SUPT3H: variants seen among roughly 807,000 people sequenced by gnomAD.
SUPT3H encodes SPT3 homolog, SAGA and STAGA complex component, also known as transcription initiation protein SPT3 homolog.
A neutral mutation model predicts 44.3 loss-of-function variants in SUPT3H; 44 were observed. The observed-to-expected ratio is 0.99, with a 90% CI of 0.78 to 1.28. SUPT3H has a LOEUF of 1.28. SUPT3H is among the 50% of genes most tolerant of loss of function. The probability of loss-of-function intolerance (pLI) is 0.00; values close to 1 mark genes in which losing one functional copy is unlikely to be tolerated. For synonymous variants in SUPT3H, 124 were observed against 125.6 expected (o/e 0.99, Z 0.09); for missense variants, 380 against 387.1 (o/e 0.98, Z 0.15).
intron 3 of SUPT3H, among the ~76,000 whole-genome samples, chr6:45,104,546 A>G (rs1236816739): frequency 6.6e-6 from 1 of 152,106 alleles, no homozygotes; most frequent in East Asian, 1.9e-4. Context: ...ATTATTGTTC[A>G]GCAGTTTGAA....
chr6:44,835,902 C>G (rs1223583335), intron 10 of SUPT3H, among the ~76,000 whole-genome samples: 3 of 152,082 alleles, frequency 2.0e-5, no homozygotes, highest in Non-Finnish European at 4.4e-5. Context: ...GCCCTGGTCT[C>G]TGTGAGGTCA....
rs372340475 is a variant in SUPT3H at position 45,328,383 on chromosome 6, G to A, written c.101+36818C>T. ...CAAGTGCGGTGCAAACTTTCTCCAG[G>A]AGGACAGCAAGAAGTCTCTGGTTTT... On this transcript the variant is annotated intron_variant, in intron 2 of 10. Transcript: ENST00000371459. 79 of 1,394,640 alleles carry A rather than the reference G, an allele frequency of 5.7e-5. No individual in the cohort carries two copies. The Middle Eastern group carries it at 8.1e-4, about 14-fold the overall frequency. The allele number at this position is 1,394,640 out of a possible 1,614,324, so 86.4% of individuals were successfully genotyped here.
chr6:44,915,862 T>C (rs1236514754), intron 10 of SUPT3H, among the ~76,000 whole-genome samples: 1 of 152,136 alleles, frequency 6.6e-6, no homozygotes, highest in Non-Finnish European at 1.5e-5. Flanking sequence ...CATGTCTCCC[T>C]AAAATGTAAA....
At chr6:45,122,564 C>G (rs1241943381) in intron 2 of SUPT3H, among the ~76,000 whole-genome samples, 1 of 152,088 alleles carries the variant, frequency 6.6e-6, no homozygotes, top group Non-Finnish European at 1.5e-5. Flanking sequence ...ATTTTGGTAA[C>G]TAACTTTATT....
intron 5 of SUPT3H, among the ~76,000 whole-genome samples, chr6:45,005,347 A>C (rs1782560472): frequency 6.6e-6 from 1 of 152,190 alleles, no homozygotes. Context: ...TTAACAATTC[A>C]AAGGGCTCTT....
chr6:45,335,518 A>AT (rs1353610673), intron 2 of SUPT3H, among the ~76,000 whole-genome samples: 2 of 151,358 alleles, frequency 1.3e-5, no homozygotes, highest in African/African-American at 2.4e-5. Context: ...ATTAAAATAC[A>AT]TTTTTTTAGA....
intron 2 of SUPT3H, among the ~76,000 whole-genome samples, chr6:45,242,225 G>A (rs748561871): frequency 1.3e-4 from 20 of 152,162 alleles, no homozygotes; most frequent in African/African-American, 1.9e-4. Flanking sequence ...CCAGCCTTTC[G>A]TGTGTAGGTA....
At chr6:45,262,539 A>T (rs1774546529) in intron 2 of SUPT3H, among the ~76,000 whole-genome samples, 1 of 152,130 alleles carries the variant, frequency 6.6e-6, no homozygotes, top group South Asian at 2.1e-4. Context: ...TAGATGTAAG[A>T]CCTAAAACTA....
chr6:45,202,652 G>A (rs142513395), intron 2 of SUPT3H, among the ~76,000 whole-genome samples: 271 of 151,904 alleles, frequency 1.8e-3, no homozygotes, highest in African/African-American at 4.2e-3. Context: ...ATTACTACTC[G>A]TACTATCAAA....
chr6:45,298,710 G>T (rs956304776), intron 2 of SUPT3H, among the ~76,000 whole-genome samples: 31 of 152,166 alleles, frequency 2.0e-4, no homozygotes, highest in Middle Eastern at 3.4e-3. Context: ...ATTGGCCAAT[G>T]TAATTGTTAC....
chr6:45,272,546 A>C (rs935832090), intron 2 of SUPT3H, among the ~76,000 whole-genome samples: 3 of 152,186 alleles, frequency 2.0e-5, no homozygotes. Context: ...ATCTTTATCA[A>C]CAGCGTGAAA....
intron 2 of SUPT3H, among the ~76,000 whole-genome samples, chr6:45,253,842 T>C (rs533830425): frequency 3.6e-4 from 31 of 85,630 alleles, no homozygotes; most frequent in African/African-American, 1.0e-3. Flanking sequence ...CACGTACACA[T>C]ATACGCATAT....
At chr6:45,199,135 C>G (rs1816573807) in intron 2 of SUPT3H, among the ~76,000 whole-genome samples, 1 of 151,054 alleles carries the variant, frequency 6.6e-6, no homozygotes. Context: ...TGTATTAACT[C>G]AAAGACAATA....
At chr6:45,154,999 G>A (rs926138433) in intron 2 of SUPT3H, among the ~76,000 whole-genome samples, 7 of 152,004 alleles carry the variant, frequency 4.6e-5, no homozygotes, top group Non-Finnish European at 7.4e-5. Context: ...AATTTGGAGT[G>A]AAACTCTGTT....
intron 3 of SUPT3H, among the ~76,000 whole-genome samples, chr6:45,068,471 TA>T (rs202095477): frequency 0.018 from 2,668 of 145,938 alleles, 77 homozygotes; most frequent in African/African-American, 0.061. Flanking sequence ...AATAAAAAAA[TA>T]AAAAAAAAAG....
At chr6:45,147,623 A>T (rs2153594096) in intron 2 of SUPT3H, among the ~76,000 whole-genome samples, 1 of 152,178 alleles carries the variant, frequency 6.6e-6, no homozygotes, top group South Asian at 2.1e-4. Context: ...ACAGACAAGA[A>T]TTAGATCATC....
chr6:45,008,497 G>T lies in SUPT3H; in HGVS notation c.365-4705C>A, dbSNP rs1357473948. 2.0e-5 allele frequency among the ~76,000 whole-genome samples: 3 copies of T among 152,172 alleles called. No individual in the cohort carries two copies. In the East Asian group the frequency reaches 5.8e-4, roughly 29 times the overall value. On this transcript the variant is annotated intron_variant, in intron 5 of 10. Transcript: ENST00000371459. ...AGCCTCCTGAGTAGCTGGGTCCACA[G>T]GCACATGCCACTGAGACTGGCTAAT...
intron 3 of SUPT3H, among the ~76,000 whole-genome samples, chr6:45,039,767 T>C (rs1232939129): frequency 6.7e-6 from 1 of 148,794 alleles, no homozygotes; most frequent in African/African-American, 2.5e-5. Flanking sequence ...CCTAGGCAAC[T>C]AAGAGAGACT....
At position 44,877,468 on chromosome 6, in the gene SUPT3H, C is replaced by CAAAAA. The variant is rs5875897; in HGVS notation, c.913-47616_913-47612dup. Reference sequence around the variant, plus strand: ...TTGGTGACAGAGTGAGACTCAGTCTCAAAAAAAAAAAAAAAAAAATCCCAG... The same window carrying CAAAAA: ...TTGGTGACAGAGTGAGACTCAGTCTCAAAAAAAAAAAAAAAAAAAAAAAATCCCAG... On this transcript the variant is annotated intron_variant, in intron 10 of 10. Coordinates refer to ENST00000371459, the MANE Select transcript of SUPT3H (RefSeq NM_003599.4). 6.5e-5 allele frequency among the ~76,000 whole-genome samples: 8 copies of CAAAAA among 122,468 alleles called. 1 individual carries two copies. In the South Asian group the frequency reaches 2.2e-3, roughly 34 times the overall value. The allele number at this position is 122,468 out of a possible 152,430, so 80.3% of individuals were successfully genotyped here.
Sources: allele counts gnomAD v4.1 joint callset (sites outside exome capture counted in the v4.1 genomes callset), GRCh38; gene constraint gnomAD v4.1.1; transcripts MANE v1.5; gene names NCBI Gene and HGNC (gene_info 2026-07-23, HGNC 2026-07-21).